Variants in MAGI1 observed in about 807,000 individuals in gnomAD.
MAGI1 encodes the protein membrane associated guanylate kinase, WW and PDZ domain containing 1.
In MAGI1, 58 loss-of-function variants were observed where a neutral mutation model predicts 139.9. That is an observed-to-expected ratio of 0.41 (90% confidence interval 0.34 to 0.52). MAGI1 has a LOEUF of 0.52. Ranked by LOEUF, MAGI1 falls within the 20% of genes least tolerant of loss-of-function variation. MAGI1 has a pLI of 0.12. For synonymous variants in MAGI1, 812 were observed against 737.9 expected, an observed-to-expected ratio of 1.10 and a Z score of -1.63; for missense variants, 1,874 against 1,901.6, an observed-to-expected ratio of 0.99 and a Z score of 0.27.
At chr3:65,742,916 C>T (rs888194578) in intron 1 of MAGI1, among the ~76,000 whole-genome samples, 5 of 152,026 alleles carry the variant, frequency 3.3e-5, no homozygotes, top group Admixed American at 6.6e-5. Context: ...GCAAACAAAC[C>T]CTGAAACATC....
intron 6 of MAGI1, 121 bp downstream of exon 6, chr3:65,453,109 TTTGTAAACCACAGTCCATTTAGCAGAAA>T: frequency 3.0e-6 from 2 of 669,386 alleles, no homozygotes; most frequent in Non-Finnish European, 5.3e-6. Context: ...TCTTCCTGCT[TTTGTAAACCACAGTCCATTTAGCAGAAA>T]TTGGATTACC....
chr3:65,675,907 G>A (rs557702509), intron 1 of MAGI1, among the ~76,000 whole-genome samples: 1 of 152,288 alleles, frequency 6.6e-6, no homozygotes, highest in South Asian at 2.1e-4. Context: ...AAACAGGGAT[G>A]ATTTAATGGA....
chr3:65,488,892 C>A (rs924173313), intron 3 of MAGI1, among the ~76,000 whole-genome samples: 2 of 151,734 alleles, frequency 1.3e-5, no homozygotes, highest in African/African-American at 2.4e-5. Flanking sequence ...AGGCTGGTCG[C>A]GAGCTCCTGA....
At chr3:65,745,380 C>T (rs1320668319) in intron 1 of MAGI1, among the ~76,000 whole-genome samples, 1 of 152,070 alleles carries the variant, frequency 6.6e-6, no homozygotes, top group African/African-American at 2.4e-5. Context: ...CTGAAATCAG[C>T]CTAGCAGATA....
intron 1 of MAGI1, among the ~76,000 whole-genome samples, chr3:65,993,910 C>T (rs1286929457): frequency 6.6e-6 from 1 of 152,074 alleles, no homozygotes; most frequent in South Asian, 2.1e-4. Context: ...AAGGTAATTC[C>T]CTGCCTGCCC....
chr3:66,031,929 A>T (rs1381117458), intron 1 of MAGI1, among the ~76,000 whole-genome samples: 1 of 152,196 alleles, frequency 6.6e-6, no homozygotes, highest in East Asian at 1.9e-4. Context: ...TTAGAGGCTC[A>T]CTTGTTAAAC....
At chr3:65,926,674 C>G (rs767655051) in intron 1 of MAGI1, among the ~76,000 whole-genome samples, 2 of 152,102 alleles carry the variant, frequency 1.3e-5, no homozygotes, top group African/African-American at 4.8e-5. Context: ...TTTACAAATG[C>G]CATGGCAACA....
At chr3:65,801,368 T>A (rs1402213165) in intron 1 of MAGI1, among the ~76,000 whole-genome samples, 1 of 152,178 alleles carries the variant, frequency 6.6e-6, no homozygotes, top group Admixed American at 6.5e-5. Flanking sequence ...ATGGTCAAAG[T>A]AGCTAGGTCT....
intron 1 of MAGI1, among the ~76,000 whole-genome samples, chr3:65,847,871 T>A (rs534826428): frequency 3.3e-5 from 5 of 152,288 alleles, no homozygotes; most frequent in African/African-American, 4.8e-5. Context: ...AGAGCTGGGA[T>A]TTAAATGTAG....
At chr3:65,460,574 T>C (rs1559573870) in intron 5 of MAGI1, among the ~76,000 whole-genome samples, 2 of 152,140 alleles carry the variant, frequency 1.3e-5, no homozygotes, top group African/African-American at 4.8e-5. Context: ...ATACTTAAGT[T>C]CAGGGATACA....
intron 13 of MAGI1, among the ~76,000 whole-genome samples, 176 bp from the exon 14 acceptor site, chr3:65,391,534 T>G (rs891067602): frequency 1.3e-5 from 2 of 152,204 alleles, no homozygotes; most frequent in Non-Finnish European, 2.9e-5. Flanking sequence ...CCCAGGTGAC[T>G]GGCAGACAAA....
At chr3:65,962,778 T>A (rs2064506283) in intron 1 of MAGI1, among the ~76,000 whole-genome samples, 1 of 132,310 alleles carries the variant, frequency 7.6e-6, no homozygotes, top group Admixed American at 9.0e-5. Flanking sequence ...TGAGCAGAGA[T>A]CATGCCACTG....
At chr3:65,850,003 T>C (rs550457156) in intron 1 of MAGI1, among the ~76,000 whole-genome samples, 2 of 152,314 alleles carry the variant, frequency 1.3e-5, no homozygotes, top group Non-Finnish European at 2.9e-5. Flanking sequence ...CTGAAATTAA[T>C]TTATCAATTA....
chr3:65,688,085 G>C (rs951345442), intron 1 of MAGI1: 3 of 760,388 alleles, frequency 3.9e-6, no homozygotes, highest in Non-Finnish European at 7.1e-6. Flanking sequence ...GACAGCCTTT[G>C]GCCCTGAACA....
chr3:65,803,706 T>C (rs1028327248), intron 1 of MAGI1, among the ~76,000 whole-genome samples: 1 of 152,112 alleles, frequency 6.6e-6, no homozygotes, highest in Admixed American at 6.6e-5. Flanking sequence ...TGTCACCCTC[T>C]ACCTTCCAGT....
intron 5 of MAGI1, among the ~76,000 whole-genome samples, 159 bp from the exon 6 acceptor site, chr3:65,453,499 A>G (rs1949172900): frequency 6.6e-6 from 1 of 152,156 alleles, no homozygotes; most frequent in African/African-American, 2.4e-5. Flanking sequence ...CTGAGTTTAC[A>G]ATTATAAAAT....
chr3:65,750,599 T>G (rs1319418481), intron 1 of MAGI1, among the ~76,000 whole-genome samples: 2 of 152,362 alleles, frequency 1.3e-5, no homozygotes, highest in South Asian at 2.1e-4. Flanking sequence ...AGTCAAATTT[T>G]GCTGTGTAAA....
chr3:65,722,282 C>A (rs1033080644), intron 1 of MAGI1, among the ~76,000 whole-genome samples: 1 of 152,026 alleles, frequency 6.6e-6, no homozygotes, highest in African/African-American at 2.4e-5. Context: ...AATTAAATGA[C>A]CTAGTGAATG....
At chr3:65,972,715 GCAGT>G (rs1171223952) in intron 1 of MAGI1, among the ~76,000 whole-genome samples, 16 of 152,170 alleles carry the variant, frequency 1.1e-4, no homozygotes, top group Admixed American at 7.2e-4. Context: ...ATCAAGAGAA[GCAGT>G]CAGATACTCA....
Sources: allele counts gnomAD v4.1 joint callset (sites outside exome capture counted in the v4.1 genomes callset), GRCh38; gene constraint gnomAD v4.1.1; transcripts MANE v1.5; gene names NCBI Gene and HGNC (gene_info 2026-07-23, HGNC 2026-07-21).